Variants in PCYT1A observed in about 807,000 individuals in gnomAD.
PCYT1A encodes choline-phosphate cytidylyltransferase A.
Under a neutral mutation model 43.7 loss-of-function variants are expected in PCYT1A, and 25 were observed. The ratio of observed to expected loss-of-function variants is 0.57; its 90% CI spans 0.42 to 0.80. The LOEUF is 0.80. PCYT1A is among the 30% of genes least tolerant of loss of function. PCYT1A has a pLI of 0.00. For synonymous variants in PCYT1A, 172 were observed against 170.7 expected (o/e 1.01, Z -0.06); for missense variants, 421 against 474.2 (o/e 0.89, Z 1.04).
chr3:196,240,498 A>AACATAGC (rs1333342196), intron 7 of PCYT1A: 1 of 152,312 alleles, frequency 6.6e-6, no homozygotes, highest in African/African-American at 2.4e-5. Context: ...CAGCCTGGAC[A>AACATAGC]ACATAGCAAG....
chr3:196,254,853 C>T (rs925883017), intron 3 of PCYT1A, among the ~76,000 whole-genome samples: 24 of 152,146 alleles, frequency 1.6e-4, no homozygotes, highest in African/African-American at 5.3e-4. Flanking sequence ...TACCTACCAC[C>T]GAAACATTCT....
intron 2 of PCYT1A, 89 bp downstream of exon 2, chr3:196,270,326 T>C: frequency 1.2e-6 from 1 of 847,988 alleles, no homozygotes; most frequent in South Asian, 1.5e-5. Flanking sequence ...CTATTCCTTC[T>C]TTTCATTATT....
chr3:196,239,034 C>T (rs764345794), intron 8 of PCYT1A, 140 bp from the exon 9 acceptor site: 1 of 447,004 alleles, frequency 2.2e-6, no homozygotes, highest in Non-Finnish European at 3.8e-6. Context: ...GGAAATTCCC[C>T]ATTCTTCCTC....
intron 5 of PCYT1A, among the ~76,000 whole-genome samples, chr3:196,243,866 C>T (rs992179888): frequency 6.6e-5 from 10 of 152,256 alleles, no homozygotes; most frequent in South Asian, 2.1e-4. Flanking sequence ...AGTGCAGTGG[C>T]GTGATCTCGG....
rs36042491 is a variant in PCYT1A, at chr3:196,268,125, TA to T, written c.117+2289del. 8.0e-3 allele frequency among the ~76,000 whole-genome samples: 1,159 copies of T among 144,544 alleles called. 45 individuals are homozygous for T. Among genetic ancestry groups the T allele is most frequent in the Admixed American group, 0.065 (949 of 14,710 alleles). 94.8% of individuals were successfully genotyped at this position (144,544 alleles called of 152,430 possible). ...AGCATTAAGACTCCCCAGAAGAATT[TA>T]AAAAAAAAAAAGATTCCCAGAGTCT... is the stretch of plus-strand genomic sequence containing the variant. On this transcript the variant is annotated intron_variant, in intron 2 of 8. Transcript: ENST00000431016. This position sits in a 1 kb window ranked among gnomAD's most constrained non-coding sequence, Gnocchi z 4.4.
In PCYT1A at chr3:196,238,718, G is replaced by A. The variant is rs778786667; in HGVS notation, c.1074C>T (p.Ala358=). The change falls in exon 9 of 9, where the codon GCC becomes GCT. Residue 358 remains alanine (A), a synonymous_variant. Transcript: ENST00000431016. ...PANLSRHKAA[A]YDISEDEED ...CTTCTTCATCCTCACTGATATCATA[G>A]GCTGCAGCCTTGTGCCTGGAGAGAT... The A allele has an allele frequency of 1.3e-6, 2 of 1,581,036 alleles. No homozygotes were observed. The highest frequency in any genetic ancestry group is 1.8e-5 in the Admixed American group (1 of 54,590).
At chr3:196,243,662 T>C (rs1467146343) in intron 5 of PCYT1A, among the ~76,000 whole-genome samples, 3 of 152,248 alleles carry the variant, frequency 2.0e-5, no homozygotes, top group South Asian at 2.1e-4. Flanking sequence ...GCCTGCCCAG[T>C]GCCTGCCATT....
intron 7 of PCYT1A, among the ~76,000 whole-genome samples, chr3:196,241,131 TAA>T (rs1209954920): frequency 0.36 from 17,503 of 49,174 alleles, 1,438 homozygotes; most frequent in East Asian, 0.56. Context: ...CCATCTCTGC[TAA>T]AAAAAAAAAA....
intron 1 of PCYT1A, among the ~76,000 whole-genome samples, chr3:196,271,675 C>G (rs1348710850): frequency 2.6e-5 from 3 of 113,252 alleles, no homozygotes; most frequent in African/African-American, 1.1e-4. Flanking sequence ...TCTCGGCTCT[C>G]ACAGCCATAA....
At chr3:196,270,217 T>G (rs1725390816) in intron 2 of PCYT1A, among the ~76,000 whole-genome samples, 198 bp downstream of exon 2, 1 of 152,212 alleles carries the variant, frequency 6.6e-6, no homozygotes, top group Admixed American at 6.5e-5. Flanking sequence ...TTCCTAACAC[T>G]TCTTTTTCTA....
Position 196,252,529 on chromosome 3 carries a change from C to T in PCYT1A, c.218-4206G>A, listed in dbSNP as rs1414253781. Among the ~76,000 whole-genome samples, 1 of 152,124 alleles carries T rather than the reference C, an allele frequency of 6.6e-6. No homozygotes were observed. Among genetic ancestry groups the T allele is most frequent in the East Asian group, 1.9e-4 (1 of 5,196 alleles). ...GTTCTGGGATTACGGGCGTGAGCCA[C>T]CATGCCCAGCCCAGGCTGGTTGTAT... On this transcript the variant is annotated intron_variant, in intron 3 of 8. Coordinates refer to ENST00000431016, the MANE Select transcript of PCYT1A (RefSeq NM_001312673.2). This position sits in a 1 kb window ranked among gnomAD's most constrained non-coding sequence, Gnocchi z 4.0.
chr3:196,266,716 C>T (rs1238352804), intron 2 of PCYT1A, among the ~76,000 whole-genome samples: 1 of 151,780 alleles, frequency 6.6e-6, no homozygotes, highest in Admixed American at 6.6e-5. Flanking sequence ...ATGGTAAAAC[C>T]CCATCTCTAC....
rs374908263 is a variant in PCYT1A, at chr3:196,259,131, C to A, written c.118-1244G>T. On this transcript the variant is annotated intron_variant, in intron 2 of 8. Coordinates refer to ENST00000431016, the MANE Select transcript of PCYT1A (RefSeq NM_001312673.2). ...CTCTGGGGCTCAAGCAATTCTCTCA[C>A]CTCAGCTTCCCTAATAGCTGGGACT... Among the ~76,000 whole-genome samples the A allele has an allele frequency of 2.6e-5, 4 of 152,208 alleles. No individual in the cohort carries two copies. The South Asian group carries it at 8.3e-4, about 32-fold the overall frequency.
At chr3:196,271,216 G>A (rs529964014) in intron 1 of PCYT1A, among the ~76,000 whole-genome samples, 2 of 151,238 alleles carry the variant, frequency 1.3e-5, no homozygotes, top group South Asian at 4.2e-4. Context: ...GACAGGCCTC[G>A]CTATGTTGCC....
Position 196,239,574 on chromosome 3 carries a change from C to T in PCYT1A, c.870G>A (p.Leu290=), listed in dbSNP as rs1724288959. ...GTGCTCCTTCCGGACCAAACATTTC[C>T]AGAAAACTTCCAATGAATTCTCGGG... ...EKSREFIGSF[L]EMFGPEGALK... is the part of the protein sequence containing the mutation. The change falls in exon 8 of 9, where the codon CTG becomes CTA. Residue 290 remains leucine, a synonymous_variant. Coordinates refer to ENST00000431016, the MANE Select transcript of PCYT1A (RefSeq NM_001312673.2). The T allele has an allele frequency of 6.2e-7, 1 of 1,612,884 alleles. No homozygotes were observed. The highest frequency in any genetic ancestry group is 1.7e-5 in the Admixed American group (1 of 59,998).
At chr3:196,266,589 A>T (rs913845453) in intron 2 of PCYT1A, among the ~76,000 whole-genome samples, 8 of 147,974 alleles carry the variant, frequency 5.4e-5, no homozygotes, top group African/African-American at 1.5e-4. Flanking sequence ...ATTTGTCAAT[A>T]AAAAAAAAAT....
chr3:196,250,177 T>TGAGGACCAGGTACACCATGCCGAGGCA (rs1560166173), intron 3 of PCYT1A, among the ~76,000 whole-genome samples: 60 of 138,496 alleles, frequency 4.3e-4, no homozygotes, highest in African/African-American at 1.4e-3. Context: ...ATGCCGAGGC[T>TGAGGACCAGGTACACCATGCCGAGGCA]GAGGACCAGG....
intron 1 of PCYT1A, among the ~76,000 whole-genome samples, chr3:196,280,958 A>G (rs1471636384): frequency 2.0e-5 from 3 of 152,220 alleles, no homozygotes; most frequent in Non-Finnish European, 2.9e-5. Context: ...CATTTCAAAA[A>G]TCTAACTCAA....
At chr3:196,260,096 G>T (rs1448524903) in intron 2 of PCYT1A, among the ~76,000 whole-genome samples, 1 of 150,744 alleles carries the variant, frequency 6.6e-6, no homozygotes, top group Non-Finnish European at 1.5e-5. Context: ...CTGATTTTTG[G>T]ATTTTTAGTA....
Sources: gnomAD v4.1 joint callset for allele counts (sites outside exome capture counted in the v4.1 genomes callset) on GRCh38, gnomAD v4.1.1 for gene constraint, Gnocchi (gnomAD v3.1) non-coding constraint, MANE v1.5 for transcripts, NCBI Gene and HGNC (gene_info 2026-07-23, HGNC 2026-07-21) for gene names.